Variants in SLC8A3 observed in about 807,000 individuals in gnomAD.
SLC8A3 encodes sodium/calcium exchanger 3.
In SLC8A3, 37 loss-of-function variants were observed where a neutral mutation model predicts 65.4. The observed-to-expected ratio is 0.57, with a 90% CI of 0.44 to 0.74. The LOEUF is 0.74. Ranked by LOEUF, SLC8A3 falls within the 30% of genes least tolerant of loss-of-function variation. SLC8A3 has a pLI of 0.00. For missense variants in SLC8A3, 1,112 were observed against 1,172.1 expected, an observed-to-expected ratio of 0.95 and a Z score of 0.75; for synonymous variants, 461 against 444.5, an observed-to-expected ratio of 1.04 and a Z score of -0.47.
At chr14:70,062,611 A>G (rs1367652561) in intron 2 of SLC8A3, among the ~76,000 whole-genome samples, 1 of 152,188 alleles carries the variant, frequency 6.6e-6, no homozygotes, top group East Asian at 1.9e-4. Flanking sequence ...CACGATGACA[A>G]AATTGCTTAA....
chr14:70,175,737 CTTTT>C (rs537283424), intron 1 of SLC8A3, among the ~76,000 whole-genome samples: 2 of 126,792 alleles, frequency 1.6e-5, no homozygotes, highest in Admixed American at 8.0e-5. Flanking sequence ...TTTTTTTTTT[CTTTT>C]TTTTTTTTTT....
rs1430046987 is a variant in SLC8A3, at chr14:70,167,650, T to C, written c.773A>G (p.Tyr258Cys). ...GCGGTACTTTTTGTGCATGTATTTG[T>C]AGAAGAGCAGTCGTTTATCTGCCAC... ...AWVADKRLLF[Y>C]KYMHKKYRTD... The change falls in exon 2 of 7, where the codon TAC (tyrosine) becomes TGC (cysteine). Residue 258 changes from tyrosine to cysteine, a missense_variant. Transcript: ENST00000356921. 2 of 1,613,990 alleles carry C rather than the reference T, an allele frequency of 1.2e-6. No individual in the cohort carries two copies. Among genetic ancestry groups the C allele is most frequent in the African/African-American group, 1.3e-5 (1 of 74,884 alleles).
chr14:70,122,472 C>G (rs765593801), intron 2 of SLC8A3, among the ~76,000 whole-genome samples: 1 of 152,188 alleles, frequency 6.6e-6, no homozygotes, highest in Non-Finnish European at 1.5e-5. Context: ...CTGGCCTGCT[C>G]TGCCACTTCC....
chr14:70,178,711 A>G (rs1882459369), intron 1 of SLC8A3, among the ~76,000 whole-genome samples: 1 of 152,216 alleles, frequency 6.6e-6, no homozygotes, highest in Non-Finnish European at 1.5e-5. Flanking sequence ...GGTTCTTTGA[A>G]GATCATTTCT....
At chr14:70,110,598 G>C (rs1893224176) in intron 2 of SLC8A3, among the ~76,000 whole-genome samples, 1 of 151,240 alleles carries the variant, frequency 6.6e-6, no homozygotes, top group Admixed American at 6.6e-5. Context: ...TCTGTTGATG[G>C]GCACTTAGGT....
At chr14:70,063,383 G>T (rs1392350249) in intron 2 of SLC8A3, among the ~76,000 whole-genome samples, 1 of 152,168 alleles carries the variant, frequency 6.6e-6, no homozygotes, top group Non-Finnish European at 1.5e-5. Context: ...GAGAATAACT[G>T]CCCCATGGAA....
rs898381647 is a variant in SLC8A3, at chr14:70,046,073, G to A, written c.2640C>T (p.His880=). The change falls in exon 7 of 7, where the codon CAC becomes CAT. Residue 880 remains histidine, a synonymous_variant. Transcript: ENST00000356921. The surrounding 1 kb of genome is among the most constrained non-coding windows in gnomAD (Gnocchi z 4.2). Reference sequence around the variant, plus strand: ...GGGGGCCACCAAGCTCCCCTCCCAGGTGCGGCCGCCTTCGGTACAAGAGCA... The same window carrying A: ...GGGGGCCACCAAGCTCCCCTCCCAGATGCGGCCGCCTTCGGTACAAGAGCA... ...ISVLLYRRRP[H]LGGELGGPRG... The A allele has an allele frequency of 3.1e-6, 5 of 1,614,146 alleles. No individual in the cohort carries two copies. The highest frequency in any genetic ancestry group is 1.3e-5 in the African/African-American group (1 of 75,056).
chr14:70,044,957 A>G lies in SLC8A3; in HGVS notation c.*990T>C, dbSNP rs1420676494. 6.6e-6 allele frequency: 1 copy of G among 152,230 alleles called. No individual in the cohort carries two copies. Among genetic ancestry groups the G allele is most frequent in the Non-Finnish European group, 1.5e-5 (1 of 68,042 alleles). The allele number at this position is 152,230 out of a possible 1,614,324, so 9.4% of individuals were successfully genotyped here. On this transcript the variant is annotated 3_prime_UTR_variant, in exon 7 of 7. Transcript: ENST00000356921. ...TCAGGTACAAAGCCAAAGATAATCA[A>G]GAAGGCCTGTATCCCTTTTGTTCTT... is the stretch of plus-strand genomic sequence containing the variant.
At chr14:70,149,170 C>A (rs1264946515) in intron 2 of SLC8A3, among the ~76,000 whole-genome samples, 1 of 152,196 alleles carries the variant, frequency 6.6e-6, no homozygotes, top group Non-Finnish European at 1.5e-5. Flanking sequence ...TTTGGCACTT[C>A]ATTAGGTTAC....
intron 2 of SLC8A3, among the ~76,000 whole-genome samples, chr14:70,164,660 C>T (rs1897068423): frequency 6.6e-6 from 1 of 152,144 alleles, no homozygotes; most frequent in African/African-American, 2.4e-5. Flanking sequence ...ATGAACTAAG[C>T]CTCTGATCTC....
intron 2 of SLC8A3, among the ~76,000 whole-genome samples, chr14:70,124,944 C>T (rs4902780): frequency 0.46 from 69,300 of 152,122 alleles, 15,974 homozygotes; most frequent in South Asian, 0.7. Context: ...CTTTCTTATT[C>T]GTTATGTCTT....
rs1359479094 is a variant in SLC8A3, at chr14:70,166,943, G to A, written c.1480C>T (p.Pro494Ser). 1.2e-6 allele frequency: 2 copies of A among 1,614,138 alleles called. No individual in the cohort carries two copies. The highest frequency in any genetic ancestry group is 2.2e-5 in the East Asian group (1 of 44,888). The change falls in exon 2 of 7, where the codon CCA becomes TCA. Residue 494 changes from proline to serine, a missense_variant. Physicochemically the swap from Pro to Ser is moderately conservative, Grantham distance 74 (BLOSUM62 -1). Transcript: ENST00000356921. The part of the protein sequence containing the change: ...LSNVRIEEEQ[P>S]EEGMPPAIFN... ...ATTGCTGGAGGCATCCCCTCCTCTG[G>A]CTGCTCCTCCTCTATGCGGACATTG...
intron 2 of SLC8A3, among the ~76,000 whole-genome samples, chr14:70,138,974 A>G (rs1895395696): frequency 6.6e-6 from 1 of 152,188 alleles, no homozygotes; most frequent in African/African-American, 2.4e-5. Flanking sequence ...TACATATTTA[A>G]TGGGATGTTG....
Position 70,046,173 on chromosome 14 carries a change from T to A in SLC8A3, c.2540A>T (p.Glu847Val), listed in dbSNP as rs1886763777. ...CAGTGTGCCGGCCGACACGTGGAAC[T>A]CCTGTCCCTGCAGAGCCCAGTAGAT... ...AAIYWALQGQEFHVSAGTLAF... is the reference protein window; with the variant it reads ...AAIYWALQGQVFHVSAGTLAF... The change falls in exon 7 of 7, where the codon GAG (glutamate) becomes GTG (valine). Residue 847 changes from glutamate (E) to valine (V), a missense_variant. Glu to Val is a moderately radical substitution (Grantham distance 121). Coordinates refer to ENST00000356921, the MANE Select transcript of SLC8A3 (RefSeq NM_182932.3). The surrounding 1 kb of genome is among the most constrained non-coding windows in gnomAD (Gnocchi z 4.2). 5 of 1,614,156 alleles carry A rather than the reference T, an allele frequency of 3.1e-6. No individual in the cohort carries two copies. The East Asian group carries it at 1.1e-4, about 36-fold the overall frequency.
rs1165067877 is a variant in SLC8A3, at chr14:70,097,252, A to G, written c.1785-36313T>C. 3.3e-5 allele frequency among the ~76,000 whole-genome samples: 5 copies of G among 150,814 alleles called. No individual in the cohort carries two copies. The East Asian group carries it at 9.8e-4, about 30-fold the overall frequency. ...ATCTTGATCGTAAAGATTTTTATGA[A>G]TTTAGATACCACCCTCAGAAAAGCA... On this transcript the variant is annotated intron_variant, in intron 2 of 6. Transcript: ENST00000356921.
chr14:70,129,177 A>G (rs1422624139), intron 2 of SLC8A3, among the ~76,000 whole-genome samples: 3 of 152,180 alleles, frequency 2.0e-5, no homozygotes, highest in Non-Finnish European at 4.4e-5. Context: ...GCCACACCCA[A>G]TGCCTGAGTG....
intron 2 of SLC8A3, among the ~76,000 whole-genome samples, chr14:70,140,016 T>C (rs1181811141): frequency 1.3e-5 from 2 of 152,116 alleles, no homozygotes; most frequent in Non-Finnish European, 2.9e-5. Context: ...AAAGTAATTG[T>C]GGTTTTGCCA....
chr14:70,058,783 T>C (rs893276938), intron 3 of SLC8A3, among the ~76,000 whole-genome samples: 99 of 152,342 alleles, frequency 6.5e-4, no homozygotes, highest in African/African-American at 2.2e-3. Flanking sequence ...TCTCTTCCTC[T>C]TGTCTGGAAC....
Position 70,167,470 on chromosome 14 carries a change from C to T in SLC8A3, c.953G>A (p.Arg318Gln), listed in dbSNP as rs541631348. The T allele has an allele frequency of 8.7e-6, 14 of 1,614,068 alleles. 1 individual carries two copies. Among genetic ancestry groups the T allele is most frequent in the Middle Eastern group, 1.6e-4 (1 of 6,062 alleles). ...EVDESRREMI[R>Q]ILKDLKQKHP... is the part of the protein sequence containing the mutation. ...TTTTTGCTTCAGATCCTTGAGAATC[C>T]GGATCATCTCTCTGCGGGACTCATC... Residue 318 changes from arginine to glutamine, a missense_variant, in exon 2 of 7, where the codon CGG becomes CAG. Coordinates refer to ENST00000356921, the MANE Select transcript of SLC8A3 (RefSeq NM_182932.3).
Sources: allele counts gnomAD v4.1 joint callset (sites outside exome capture counted in the v4.1 genomes callset), GRCh38; gene constraint gnomAD v4.1.1; non-coding constraint Gnocchi (gnomAD v3.1); transcripts MANE v1.5; gene names NCBI Gene and HGNC (gene_info 2026-07-23, HGNC 2026-07-21).